Variants in ITGA9 observed in about 807,000 individuals in gnomAD.
ITGA9 encodes integrin alpha-9.
ITGA9 carries 56 observed loss-of-function variants against 127.8 expected under a neutral mutation model. That is an observed-to-expected ratio of 0.44 (90% confidence interval 0.35 to 0.55). ITGA9 has a LOEUF of 0.55. ITGA9 is among the 20% of genes least tolerant of loss of function. The pLI is 0.00. For synonymous variants in ITGA9, 508 were observed against 514.5 expected (o/e 0.99, Z 0.17); for missense variants, 1,196 against 1,347.1 (o/e 0.89, Z 1.76).
intron 23 of ITGA9, among the ~76,000 whole-genome samples, chr3:37,765,873 T>A (rs1696774520): frequency 6.6e-6 from 1 of 152,242 alleles, no homozygotes; most frequent in South Asian, 2.1e-4. Context: ...CCAAATGTCT[T>A]GTGCTCACAG....
intron 17 of ITGA9, among the ~76,000 whole-genome samples, chr3:37,658,750 C>T (rs1433001761): frequency 6.6e-6 from 1 of 152,134 alleles, no homozygotes; most frequent in Non-Finnish European, 1.5e-5. Flanking sequence ...AATTATTTTG[C>T]CCATTAATTG....
intron 1 of ITGA9, among the ~76,000 whole-genome samples, chr3:37,463,027 A>G (rs1698332573): frequency 6.6e-6 from 1 of 152,120 alleles, no homozygotes; most frequent in Non-Finnish European, 1.5e-5. Flanking sequence ...GTCCCATCTC[A>G]GGGCCTTCAG....
chr3:37,707,476 G>T (rs944718527), intron 18 of ITGA9, among the ~76,000 whole-genome samples: 9 of 151,964 alleles, frequency 5.9e-5, no homozygotes, highest in African/African-American at 2.2e-4. Context: ...TGAAGGTTTG[G>T]GGACAGTAAA....
At chr3:37,656,682 T>G (rs1173611552) in intron 17 of ITGA9, among the ~76,000 whole-genome samples, 1 of 152,194 alleles carries the variant, frequency 6.6e-6, no homozygotes, top group Non-Finnish European at 1.5e-5. Flanking sequence ...TACCCTTTTT[T>G]TCCTTCTCTT....
At position 37,539,813 on chromosome 3, in the gene ITGA9, G is replaced by A. The variant is rs565343247; in HGVS notation, c.1529-2612G>A. On this transcript the variant is annotated intron_variant, in intron 14 of 27. Transcript: ENST00000264741. The stretch of plus-strand genomic sequence containing the variant: ...ATTGAGCAGGTTACCACTGTGGGCA[G>A]CTGGAGCTCAGTCCTGCTGGGGAAC... Among the ~76,000 whole-genome samples, 4 of 152,320 alleles carry A rather than the reference G, an allele frequency of 2.6e-5. 1 individual carries two copies. The highest frequency in any genetic ancestry group is 9.6e-5 in the African/African-American group (4 of 41,576).
chr3:37,756,159 C>A (rs1353091248), intron 23 of ITGA9, among the ~76,000 whole-genome samples: 80 of 142,288 alleles, frequency 5.6e-4, no homozygotes, highest in African/African-American at 7.6e-4. Flanking sequence ...GTAAGGCATT[C>A]AAAAAAAAAA....
At chr3:37,731,184 T>C (rs563193567) in intron 18 of ITGA9, among the ~76,000 whole-genome samples, 10 of 152,196 alleles carry the variant, frequency 6.6e-5, no homozygotes, top group Non-Finnish European at 1.0e-4. Flanking sequence ...ACTCATGCTG[T>C]GCAATTAGAG....
At position 37,518,274 on chromosome 3, in the gene ITGA9, G is replaced by A. The variant is rs28461927; in HGVS notation, c.1141+665G>A. 4.2e-3 allele frequency among the ~76,000 whole-genome samples: 645 copies of A among 152,300 alleles called. 7 individuals are homozygous for A. The highest frequency in any genetic ancestry group is 0.015 in the African/African-American group (625 of 41,566). ...AGACGTCGGGAGGCAGAGCAACCAT[G>A]TCACCAGGGCATGTGGTGGTGGAGG... On this transcript the variant is annotated intron_variant, in intron 10 of 27. Transcript: ENST00000264741.
At chr3:37,480,419 C>T (rs1235608017) in intron 3 of ITGA9, among the ~76,000 whole-genome samples, 2 of 152,132 alleles carry the variant, frequency 1.3e-5, no homozygotes, top group Non-Finnish European at 2.9e-5. Context: ...TCTCATGCAC[C>T]CCAAGACCCT....
intron 18 of ITGA9, among the ~76,000 whole-genome samples, chr3:37,702,226 G>C (rs919102762): frequency 1.8e-4 from 28 of 152,264 alleles, no homozygotes; most frequent in African/African-American, 6.5e-4. Flanking sequence ...TGAGGAAACT[G>C]GGGCTCCAGA....
chr3:37,710,578 G>A (rs957493121), intron 18 of ITGA9, among the ~76,000 whole-genome samples: 4 of 152,158 alleles, frequency 2.6e-5, no homozygotes, highest in African/African-American at 9.7e-5. Flanking sequence ...CTGAACATCG[G>A]AGATAGATTC....
intron 4 of ITGA9, among the ~76,000 whole-genome samples, chr3:37,492,526 A>T (rs1039397023): frequency 1.3e-5 from 2 of 152,174 alleles, no homozygotes; most frequent in Admixed American, 1.3e-4. Flanking sequence ...CCCAACATAG[A>T]CCACACCAAG....
At chr3:37,531,171 C>T (rs1478708220) in intron 13 of ITGA9, among the ~76,000 whole-genome samples, 1 of 152,136 alleles carries the variant, frequency 6.6e-6, no homozygotes, top group East Asian at 1.9e-4. Context: ...GACACAGTCT[C>T]CCCTGCCCCC....
chr3:37,581,832 G>A (rs1405837415), intron 15 of ITGA9, among the ~76,000 whole-genome samples: 1 of 152,182 alleles, frequency 6.6e-6, no homozygotes, highest in African/African-American at 2.4e-5. Context: ...TGCTGTAGTG[G>A]CATGACTATT....
chr3:37,525,886 C>G (rs1699087886), intron 12 of ITGA9, 140 bp from the exon 13 acceptor site: 2 of 738,716 alleles, frequency 2.7e-6, no homozygotes, highest in Non-Finnish European at 4.9e-6. Flanking sequence ...CTTACAAGAT[C>G]ATTGTATAGC....
chr3:37,637,487 T>C (rs1362458409), intron 16 of ITGA9, among the ~76,000 whole-genome samples: 1 of 152,174 alleles, frequency 6.6e-6, no homozygotes, highest in Non-Finnish European at 1.5e-5. Context: ...TGATTTTGTA[T>C]CCTGAGAGTT....
At chr3:37,588,302 G>A (rs2125613584) in intron 15 of ITGA9, among the ~76,000 whole-genome samples, 1 of 152,258 alleles carries the variant, frequency 6.6e-6, no homozygotes, top group Admixed American at 6.5e-5. Context: ...ATGGCTTGGG[G>A]AGAGCCAGCC....
intron 12 of ITGA9, among the ~76,000 whole-genome samples, chr3:37,524,157 G>C (rs1699071050): frequency 6.6e-6 from 1 of 152,170 alleles, no homozygotes; most frequent in South Asian, 2.1e-4. Flanking sequence ...TGGCTAACTG[G>C]ATAAAGATAC....
chr3:37,588,060 C>T (rs1460512854), intron 15 of ITGA9, among the ~76,000 whole-genome samples: 1 of 152,228 alleles, frequency 6.6e-6, no homozygotes, highest in Non-Finnish European at 1.5e-5. Context: ...TTGCTCTTTA[C>T]AGCCTCTTAG....
Sources: allele counts gnomAD v4.1 joint callset (sites outside exome capture counted in the v4.1 genomes callset), GRCh38; gene constraint gnomAD v4.1.1; transcripts MANE v1.5; gene names NCBI Gene and HGNC (gene_info 2026-07-23, HGNC 2026-07-21).